The following USP34 variants were observed in gnomAD, a reference collection of about 807,000 sequenced individuals.
The protein encoded by USP34 is ubiquitin carboxyl-terminal hydrolase 34.
USP34 carries 70 observed loss-of-function variants against 460.3 expected under a neutral mutation model. The ratio of observed to expected loss-of-function variants is 0.15; its 90% CI spans 0.13 to 0.19. The LOEUF (loss-of-function observed/expected upper bound fraction) is 0.19, where lower values mean the gene tolerates loss of function less well. Ranked by LOEUF, USP34 falls within the 10% of genes least tolerant of loss-of-function variation. The probability of loss-of-function intolerance (pLI) is 1.00; values close to 1 mark genes in which losing one functional copy is unlikely to be tolerated. For synonymous variants in USP34, 1,647 were observed against 1,405.3 expected (o/e 1.17, Z -3.85); for missense variants, 3,985 against 4,236.2 (o/e 0.94, Z 1.65).
chr2:61,263,958 T>C (rs531435603), intron 43 of USP34, among the ~76,000 whole-genome samples: 11 of 152,290 alleles, frequency 7.2e-5, no homozygotes, highest in African/African-American at 2.6e-4. Context: ...TTCTACTAAT[T>C]CCTAGAAGTG....
intron 1 of USP34, among the ~76,000 whole-genome samples, chr2:61,465,511 C>G (rs1481853188): frequency 6.6e-6 from 1 of 152,208 alleles, no homozygotes; most frequent in Admixed American, 6.5e-5. Context: ...TAATACAAAG[C>G]TATACTACCC....
At chr2:61,405,671 G>C (rs887197596) in intron 3 of USP34, 37 bp downstream of exon 3, 2 of 1,480,992 alleles carry the variant, frequency 1.4e-6, no homozygotes, top group Middle Eastern at 2.1e-4. Context: ...GTTAAGACTT[G>C]GTATTACTTA....
intron 61 of USP34, among the ~76,000 whole-genome samples, 185 bp downstream of exon 61, chr2:61,228,460 G>A (rs1006635305): frequency 1.3e-5 from 2 of 152,134 alleles, no homozygotes; most frequent in Non-Finnish European, 2.9e-5. Context: ...TTACCTAGTT[G>A]TTTCTTTCTT....
Position 61,372,211 on chromosome 2 carries a change from C to T in USP34, c.1077-1632G>A, listed in dbSNP as rs577880940. The stretch of plus-strand genomic sequence containing the variant: ...TTACATTCTATAATAGAATTTTATG[C>T]TAACAATTTTTATTTATTAAAAAAA... On this transcript the variant is annotated intron_variant, in intron 8 of 79. Coordinates refer to ENST00000398571, the MANE Select transcript of USP34 (RefSeq NM_014709.4). 3.3e-5 allele frequency among the ~76,000 whole-genome samples: 5 copies of T among 151,834 alleles called. No homozygotes were observed. The South Asian group carries it at 1.0e-3, about 32-fold the overall frequency.
rs1686506832 is a variant in USP34 at position 61,188,316 on chromosome 2, A to C, written c.10427T>G (p.Val3476Gly). 1 of 1,613,724 alleles carries C rather than the reference A, an allele frequency of 6.2e-7. No individual in the cohort carries two copies. The highest frequency in any genetic ancestry group is 1.1e-5 in the South Asian group (1 of 91,070). The change falls in exon 80 of 80, where the codon GTT (valine) becomes GGT (glycine). Residue 3476 changes from valine (V) to glycine (G), a missense_variant. Transcript: ENST00000398571. ...SEFPSTSISA[V>G]LSDLADLRSC... Reference sequence around the variant, plus strand: ...TCTCAAGTCAGCTAAGTCAGACAGAACTGCAGAGATAGAAGTAGAAGGGAA... The same window carrying C: ...TCTCAAGTCAGCTAAGTCAGACAGACCTGCAGAGATAGAAGTAGAAGGGAA...
chr2:61,353,360 C>A (rs1211012338), intron 10 of USP34, among the ~76,000 whole-genome samples: 1 of 151,472 alleles, frequency 6.6e-6, no homozygotes, highest in African/African-American at 2.4e-5. Flanking sequence ...AGAAAATATA[C>A]CTGAAGTCCA....
intron 42 of USP34, 57 bp downstream of exon 42, chr2:61,265,927 A>G: frequency 6.8e-7 from 1 of 1,462,994 alleles, no homozygotes. Flanking sequence ...AGTGCCCTCA[A>G]AATCTTATTT....
At chr2:61,193,941 T>C (rs1367620434) in intron 75 of USP34, 1 of 235,992 alleles carries the variant, frequency 4.2e-6, no homozygotes, top group Non-Finnish European at 6.9e-6. Flanking sequence ...TGTCTTTCAG[T>C]AAAACTTTAC....
intron 79 of USP34, 41 bp from the exon 80 acceptor site, chr2:61,188,750 C>T: frequency 6.3e-7 from 1 of 1,596,060 alleles, no homozygotes; most frequent in Non-Finnish European, 8.5e-7. Flanking sequence ...CTCTGAAAGT[C>T]ATTAAGATCA....
chr2:61,395,284 T>G (rs1693482863), intron 3 of USP34, 51 bp from the exon 4 acceptor site: 1 of 1,071,130 alleles, frequency 9.3e-7, no homozygotes, highest in Non-Finnish European at 1.4e-6. Context: ...TACTAACCTT[T>G]AAAAAATACA....
intron 22 of USP34, among the ~76,000 whole-genome samples, 159 bp downstream of exon 22, chr2:61,319,014 C>G (rs1292300540): frequency 6.6e-6 from 1 of 151,360 alleles, no homozygotes; most frequent in Non-Finnish European, 1.5e-5. Context: ...AAAATTAGAG[C>G]ACAATCTGAC....
chr2:61,403,855 T>C (rs1341121486), intron 3 of USP34, among the ~76,000 whole-genome samples: 1 of 151,766 alleles, frequency 6.6e-6, no homozygotes, highest in Non-Finnish European at 1.5e-5. Context: ...TAGCCGGGCA[T>C]GGTGGCGGGC....
At chr2:61,434,085 C>T (rs1307884929) in intron 1 of USP34, among the ~76,000 whole-genome samples, 2 of 152,142 alleles carry the variant, frequency 1.3e-5, no homozygotes, top group African/African-American at 2.4e-5. Flanking sequence ...AGTGGAGGCC[C>T]GCAAGCCAAA....
In USP34 at chr2:61,233,477, AT is replaced by A. The variant is rs983249728; in HGVS notation, c.7033-946del. ...ACTCATTTAAACCAATCAACTGAAA[AT>A]TTTTTTTTGAGATGGAGAAAACTGA... On this transcript the variant is annotated intron_variant, in intron 57 of 79. Coordinates refer to ENST00000398571, the MANE Select transcript of USP34 (RefSeq NM_014709.4). Among the ~76,000 whole-genome samples, 35 of 151,868 alleles carry A rather than the reference AT, an allele frequency of 2.3e-4. No individual in the cohort carries two copies. In the South Asian group the frequency reaches 5.8e-3, roughly 25 times the overall value.
At chr2:61,433,095 A>C (rs1694722817) in intron 1 of USP34, among the ~76,000 whole-genome samples, 1 of 152,190 alleles carries the variant, frequency 6.6e-6, no homozygotes, top group Non-Finnish European at 1.5e-5. Flanking sequence ...TTAACAAATA[A>C]ACAGCTAAGA....
At chr2:61,340,157 CAG>C (rs1691545996) in intron 16 of USP34, among the ~76,000 whole-genome samples, 1 of 152,046 alleles carries the variant, frequency 6.6e-6, no homozygotes, top group Non-Finnish European at 1.5e-5. Context: ...ATTATTTAAA[CAG>C]ACATACCTCT....
chr2:61,423,892 C>A (rs6545867), intron 1 of USP34, among the ~76,000 whole-genome samples: 1 of 152,002 alleles, frequency 6.6e-6, no homozygotes, highest in African/African-American at 2.4e-5. Context: ...AGAAGTTCAA[C>A]GCTATAGTGA....
intron 75 of USP34, among the ~76,000 whole-genome samples, chr2:61,201,801 T>A (rs573933332): frequency 6.6e-6 from 1 of 152,338 alleles, no homozygotes; most frequent in African/African-American, 2.4e-5. Flanking sequence ...TTAGTATAAA[T>A]TATATGAACA....
chr2:61,260,405 G>GA, intron 43 of USP34, among the ~76,000 whole-genome samples: 1 of 152,114 alleles, frequency 6.6e-6, no homozygotes, highest in East Asian at 1.9e-4. Flanking sequence ...GTATTAAAAT[G>GA]AATCTATAAA....
Sources: allele counts gnomAD v4.1 joint callset (sites outside exome capture counted in the v4.1 genomes callset), GRCh38; gene constraint gnomAD v4.1.1; transcripts MANE v1.5; gene names NCBI Gene and HGNC (gene_info 2026-07-23, HGNC 2026-07-21).